EYS: variants seen among roughly 807,000 people sequenced by gnomAD.
EYS encodes EGF-like photoreceptor maintenance factor.
Under a neutral mutation model 282.1 loss-of-function variants are expected in EYS, and 250 were observed. The observed-to-expected ratio is 0.89, with a 90% CI of 0.80 to 0.98. The LOEUF is 0.98. EYS is among the 50% of genes least tolerant of loss of function. EYS has a pLI of 0.00. For missense variants in EYS, 4,016 were observed against 3,709.0 expected (o/e 1.08, Z -2.15); for synonymous variants, 1,355 against 1,282.9 (o/e 1.06, Z -1.20).
At chr6:64,095,642 A>G (rs1056916441) in intron 31 of EYS, among the ~76,000 whole-genome samples, 7 of 152,112 alleles carry the variant, frequency 4.6e-5, no homozygotes, top group African/African-American at 1.4e-4. Context: ...TTGAGCCTAT[A>G]TGTGTCTCTG....
chr6:64,533,780 A>G (rs1764429360), intron 26 of EYS, among the ~76,000 whole-genome samples: 1 of 152,118 alleles, frequency 6.6e-6, no homozygotes, highest in Middle Eastern at 3.4e-3. Flanking sequence ...ATATCATTAA[A>G]CATAAAGGAC....
chr6:65,411,471 A>G (rs1767009080), intron 5 of EYS, among the ~76,000 whole-genome samples: 1 of 152,100 alleles, frequency 6.6e-6, no homozygotes, highest in Non-Finnish European at 1.5e-5. Flanking sequence ...CTATAACACT[A>G]TATCAAACTA....
intron 8 of EYS, among the ~76,000 whole-genome samples, chr6:65,360,134 A>G (rs1292885606): frequency 6.6e-6 from 1 of 151,978 alleles, no homozygotes; most frequent in Non-Finnish European, 1.5e-5. Flanking sequence ...TATTGTTTTT[A>G]TGACGCCACC....
intron 30 of EYS, among the ~76,000 whole-genome samples, chr6:64,297,950 C>T (rs1046023528): frequency 8.3e-5 from 12 of 145,102 alleles, no homozygotes; most frequent in Admixed American, 4.9e-4. Context: ...TGCACTCCAG[C>T]CTTGGCAACA....
intron 12 of EYS, among the ~76,000 whole-genome samples, chr6:65,070,914 A>G (rs1773885558): frequency 6.6e-6 from 1 of 151,892 alleles, no homozygotes; most frequent in Non-Finnish European, 1.5e-5. Flanking sequence ...TAATAAACTC[A>G]GGATAAAATG....
intron 5 of EYS, among the ~76,000 whole-genome samples, chr6:65,414,310 T>C (rs1767145596): frequency 6.6e-6 from 1 of 152,124 alleles, no homozygotes; most frequent in African/African-American, 2.4e-5. Context: ...TATGGAAAGA[T>C]TATGGAGCAT....
At chr6:65,379,045 TAAAC>T (rs1228103169) in intron 8 of EYS, among the ~76,000 whole-genome samples, 4 of 150,602 alleles carry the variant, frequency 2.7e-5, no homozygotes, top group Admixed American at 6.6e-5. Flanking sequence ...ATAAAAAAGA[TAAAC>T]AAGAAAAAAT....
intron 31 of EYS, among the ~76,000 whole-genome samples, chr6:64,136,023 T>C (rs1250555607): frequency 1.3e-5 from 2 of 152,080 alleles, no homozygotes; most frequent in African/African-American, 4.8e-5. Context: ...CTTTCAAAAC[T>C]GCAGACAGTC....
chr6:64,497,200 T>G (rs1322928372), intron 26 of EYS, among the ~76,000 whole-genome samples: 1 of 152,242 alleles, frequency 6.6e-6, no homozygotes, highest in African/African-American at 2.4e-5. Context: ...TACTTGCACA[T>G]AGTGTACAAC....
chr6:64,326,116 G>T (rs1770411726), intron 29 of EYS, among the ~76,000 whole-genome samples: 2 of 151,786 alleles, frequency 1.3e-5, no homozygotes, highest in South Asian at 2.1e-4. Context: ...CATGAAGAAG[G>T]AATTAATGAA....
Position 65,640,885 on chromosome 6 carries a change from AT to A in EYS, c.-447-994del, listed in dbSNP as rs924385738. ...CATTTCTGAAAAATTATCAGCCACAATTTTTTTTTTACCCTTGGCCAGTAAA... is the reference window on the plus strand; with the variant it reads ...CATTTCTGAAAAATTATCAGCCACAATTTTTTTTTACCCTTGGCCAGTAAA... On this transcript the variant is annotated intron_variant, in intron 1 of 42. Coordinates refer to ENST00000503581, the MANE Select transcript of EYS (RefSeq NM_001142800.2). Among the ~76,000 whole-genome samples the A allele has an allele frequency of 4.6e-4, 68 of 149,138 alleles. 1 individual carries two copies. The highest frequency in any genetic ancestry group is 2.9e-3 in the Admixed American group (43 of 14,916).
At chr6:63,905,198 CA>C (rs1773745621) in intron 35 of EYS, among the ~76,000 whole-genome samples, 1 of 152,102 alleles carries the variant, frequency 6.6e-6, no homozygotes, top group African/African-American at 2.4e-5. Flanking sequence ...AGCATGTTTT[CA>C]AGGCTTCAAG....
At chr6:63,977,477 C>T (rs1766894048) in intron 35 of EYS, among the ~76,000 whole-genome samples, 1 of 152,002 alleles carries the variant, frequency 6.6e-6, no homozygotes. Context: ...GAAATTATTG[C>T]AATTCCTAGC....
Position 65,572,863 on chromosome 6 carries a change from G to A in EYS, c.-333+66915C>T, listed in dbSNP as rs372065925. ...AAAATTGCAAAAAAACCATGATTAA[G>A]CATTTTAAAAATCTATTTGCATGCT... On this transcript the variant is annotated intron_variant, in intron 2 of 42. Coordinates refer to ENST00000503581, the MANE Select transcript of EYS (RefSeq NM_001142800.2). Among the ~76,000 whole-genome samples the A allele has an allele frequency of 2.6e-5, 4 of 152,084 alleles. No individual in the cohort carries two copies. The East Asian group carries it at 5.8e-4, about 22-fold the overall frequency.
chr6:64,516,719 T>C (rs1777570037), intron 26 of EYS, among the ~76,000 whole-genome samples: 1 of 151,800 alleles, frequency 6.6e-6, no homozygotes, highest in Non-Finnish European at 1.5e-5. Flanking sequence ...TTGTACTTGG[T>C]TAAATGGAAT....
chr6:65,159,505 C>T (rs935652636), intron 12 of EYS, among the ~76,000 whole-genome samples: 4 of 150,588 alleles, frequency 2.7e-5, no homozygotes, highest in African/African-American at 9.7e-5. Context: ...GTCAGGAGGC[C>T]CACAGAATTT....
chr6:65,197,468 A>C (rs1331959434), intron 12 of EYS, among the ~76,000 whole-genome samples: 4 of 152,100 alleles, frequency 2.6e-5, no homozygotes, highest in Non-Finnish European at 5.9e-5. Flanking sequence ...AAAGGTGGTC[A>C]GTGGTTTTGA....
chr6:65,541,690 C>G (rs1292979987), intron 2 of EYS, among the ~76,000 whole-genome samples: 3 of 151,946 alleles, frequency 2.0e-5, no homozygotes, highest in Non-Finnish European at 2.9e-5. Flanking sequence ...TACAAATTAG[C>G]CTACCCTTGT....
At chr6:65,439,997 G>A (rs1202249664) in intron 5 of EYS, among the ~76,000 whole-genome samples, 1 of 152,030 alleles carries the variant, frequency 6.6e-6, no homozygotes, top group Non-Finnish European at 1.5e-5. Flanking sequence ...CTAGGAGGAG[G>A]AGGTGTTTCA....
Sources: allele counts gnomAD v4.1 joint callset (sites outside exome capture counted in the v4.1 genomes callset), GRCh38; gene constraint gnomAD v4.1.1; transcripts MANE v1.5; gene names NCBI Gene and HGNC (gene_info 2026-07-23, HGNC 2026-07-21).